FAM193B: variants seen among roughly 807,000 people sequenced by gnomAD.
FAM193B encodes the protein protein FAM193B.
In FAM193B, 27 loss-of-function variants were observed where a neutral mutation model predicts 70.7. The observed-to-expected ratio is 0.38, with a 90% CI of 0.28 to 0.53. The LOEUF (loss-of-function observed/expected upper bound fraction) is 0.53, where lower values mean the gene tolerates loss of function less well. Among genes scored for constraint, FAM193B ranks in the 20% least tolerant of loss-of-function variants. The pLI is 0.81. For missense variants in FAM193B, 1,022 were observed against 1,072.5 expected, an observed-to-expected ratio of 0.95 and a Z score of 0.66; for synonymous variants, 448 against 436.0, an observed-to-expected ratio of 1.03 and a Z score of -0.34.
At chr5:177,551,071 G>C (rs192011046) in intron 1 of FAM193B, among the ~76,000 whole-genome samples, 1 of 151,838 alleles carries the variant, frequency 6.6e-6, no homozygotes, top group East Asian at 1.9e-4. Flanking sequence ...CTGGCCTCAA[G>C]AGATCCTCCT....
chr5:177,526,466 G>GTT (rs1762614733), intron 5 of FAM193B, among the ~76,000 whole-genome samples: 1 of 151,986 alleles, frequency 6.6e-6, no homozygotes, highest in African/African-American at 2.4e-5. Context: ...TTGGACCAAC[G>GTT]AGGACCAAGG....
At chr5:177,521,824 A>G in intron 8 of FAM193B, 150 bp downstream of exon 8, 2 of 640,000 alleles carry the variant, frequency 3.1e-6, no homozygotes, top group Non-Finnish European at 5.6e-6. Flanking sequence ...GTAGCCTGCC[A>G]TTGCTGTGAA....
chr5:177,536,846 G>A (rs1764236860), intron 3 of FAM193B, 101 bp from the exon 4 acceptor site: 3 of 1,434,504 alleles, frequency 2.1e-6, no homozygotes, highest in Admixed American at 5.1e-5. Flanking sequence ...TGTGACAAGA[G>A]GGCACAGCCT....
intron 4 of FAM193B, among the ~76,000 whole-genome samples, chr5:177,535,767 A>G (rs1289796700): frequency 1.3e-5 from 2 of 152,242 alleles, no homozygotes; most frequent in Non-Finnish European, 2.9e-5. Context: ...AGGTATATCA[A>G]ATATCTAAGT....
At chr5:177,548,159 G>A (rs751633407) in intron 1 of FAM193B, among the ~76,000 whole-genome samples, 2 of 152,164 alleles carry the variant, frequency 1.3e-5, no homozygotes, top group Non-Finnish European at 2.9e-5. Flanking sequence ...CAGGAAGAAT[G>A]AACTTGGCTT....
At chr5:177,545,029 TGAAAA>T (rs1765244703) in intron 1 of FAM193B, among the ~76,000 whole-genome samples, 1 of 151,904 alleles carries the variant, frequency 6.6e-6, no homozygotes, top group Non-Finnish European at 1.5e-5. Context: ...TTTGCAAAAA[TGAAAA>T]GAAGACCATT....
At chr5:177,540,223 C>A (rs1764681435) in intron 1 of FAM193B, among the ~76,000 whole-genome samples, 1 of 150,374 alleles carries the variant, frequency 6.7e-6, no homozygotes, top group Non-Finnish European at 1.5e-5. Context: ...AGGAGAATCG[C>A]TTGAACCTGG....
intron 5 of FAM193B, chr5:177,531,838 T>C: frequency 1.9e-5 from 22 of 1,134,334 alleles, no homozygotes; most frequent in Non-Finnish European, 2.5e-5. Context: ...CTCAATTTTG[T>C]CATCTCTAAA....
Sources: allele counts gnomAD v4.1 joint callset (sites outside exome capture counted in the v4.1 genomes callset), GRCh38; gene constraint gnomAD v4.1.1; transcripts MANE v1.5; gene names NCBI Gene and HGNC (gene_info 2026-07-23, HGNC 2026-07-21).